The following PPEF1 variants were observed in gnomAD, a reference collection of about 807,000 sequenced individuals.
PPEF1 encodes serine/threonine-protein phosphatase with EF-hands 1.
Under a neutral mutation model 53.3 loss-of-function variants are expected in PPEF1, and 12 were observed. The ratio of observed to expected loss-of-function variants is 0.23; its 90% CI spans 0.14 to 0.36. The LOEUF is 0.36. PPEF1 is among the 10% of genes least tolerant of loss of function. The pLI is 1.00. For synonymous variants in PPEF1, 165 were observed against 176.7 expected, an observed-to-expected ratio of 0.93 and a Z score of 0.52; for missense variants, 334 against 490.4, an observed-to-expected ratio of 0.68 and a Z score of 3.01.
At chrX:18,791,206 G>C (rs374429877) in intron 10 of PPEF1, among the ~76,000 whole-genome samples, 25 of 111,237 alleles carry the variant, frequency 2.2e-4, no homozygotes, top group East Asian at 2.0e-3. Flanking sequence ...TTTCCAGATC[G>C]TTTTGGCTAT....
At chrX:18,723,174 G>A (rs374271884) in intron 1 of PPEF1, among the ~76,000 whole-genome samples, 3 of 110,674 alleles carry the variant, frequency 2.7e-5, no homozygotes, top group East Asian at 2.8e-4. Context: ...TAGTAGAGAC[G>A]AGGTTTTGCC....
At chrX:18,717,835 G>A (rs1445720049) in intron 1 of PPEF1, among the ~76,000 whole-genome samples, 1 of 111,867 alleles carries the variant, frequency 8.9e-6, no homozygotes, top group Non-Finnish European at 1.9e-5. Flanking sequence ...CTCCTTGGAT[G>A]CTTTTTCTAG....
At chrX:18,799,569 C>T (rs994409214) in intron 10 of PPEF1, among the ~76,000 whole-genome samples, 8 of 111,589 alleles carry the variant, frequency 7.2e-5, no homozygotes, top group African/African-American at 2.0e-4. Context: ...AACTCTCCCT[C>T]GAAGCACACT....
chrX:18,805,841 T>TA (rs145416225), intron 11 of PPEF1, among the ~76,000 whole-genome samples: 57 of 85,639 alleles, frequency 6.7e-4, no homozygotes, highest in South Asian at 1.2e-3. Flanking sequence ...GACTCCATCT[T>TA]AAAAAAAAAA....
At chrX:18,741,081 T>G (rs1261722515) in intron 3 of PPEF1, among the ~76,000 whole-genome samples, 2 of 111,473 alleles carry the variant, frequency 1.8e-5, no homozygotes, top group Non-Finnish European at 3.8e-5. Context: ...ATTAAAGCAT[T>G]TAATGATCTG....
At chrX:18,807,219 C>T (rs984206705) in intron 12 of PPEF1, among the ~76,000 whole-genome samples, 4 of 110,628 alleles carry the variant, frequency 3.6e-5, no homozygotes, top group Admixed American at 9.7e-5. Flanking sequence ...TTGGTAGAGA[C>T]GGGGTTTCAC....
chrX:18,679,004 CTGTT>C (rs1381951929), upstream of PPEF1, among the ~76,000 whole-genome samples: 4 of 111,544 alleles, frequency 3.6e-5, no homozygotes, highest in Non-Finnish European at 7.5e-5. Flanking sequence ...ATTTAGATGT[CTGTT>C]AGGTTAGGCA....
At chrX:18,698,985 T>C (rs771940863) in intron 5 of PPEF1, among the ~76,000 whole-genome samples, 56 of 111,621 alleles carry the variant, frequency 5.0e-4, no homozygotes, top group Non-Finnish European at 8.1e-4. Context: ...ACAGAGGAGG[T>C]GACATTGGAA....
chrX:18,789,241 A>G lies in PPEF1; in HGVS notation c.1033A>G (p.Thr345Ala). 1.7e-6 allele frequency: 2 copies of G among 1,211,361 alleles called. No individual in the cohort carries two copies. The highest frequency in any genetic ancestry group is 2.2e-6 in the Non-Finnish European group (2 of 894,840). The change falls in exon 10 of 16, where the codon ACT becomes GCT. Residue 345 changes from threonine (T) to alanine (A), a missense_variant. Coordinates refer to ENST00000470157, the MANE Select transcript of PPEF1 (RefSeq NM_001377996.1). ...HGRIKTNGSP[T>A]EHLTEHEWEQ... Reference sequence around the variant, plus strand: ...AAGAATCAAAACAAATGGATCTCCTACTGAACACTTAACAGAGCATGAATG... The same window carrying G: ...AAGAATCAAAACAAATGGATCTCCTGCTGAACACTTAACAGAGCATGAATG...
At chrX:18,753,954 A>G (rs756278896) in intron 4 of PPEF1, among the ~76,000 whole-genome samples, 2 of 109,441 alleles carry the variant, frequency 1.8e-5, no homozygotes, top group African/African-American at 6.6e-5. Flanking sequence ...GTAGATATCT[A>G]TTAGGTCTAG....
chrX:18,756,255 C>G lies in PPEF1; in HGVS notation c.397-1372C>G, dbSNP rs185610528. Among the ~76,000 whole-genome samples, 81 of 110,877 alleles carry G rather than the reference C, an allele frequency of 7.3e-4. 1 individual carries two copies. Among genetic ancestry groups the G allele is most frequent in the Admixed American group, 6.5e-3 (68 of 10,435 alleles). On this transcript the variant is annotated intron_variant, in intron 4 of 15. Transcript: ENST00000470157. ...AGTGCAATGGCGCAATCTTGGCTCA[C>G]TGCAACCTCCGCCTCCCGGGTTCAA...
chrX:18,815,411 A>C (rs1186829376), intron 12 of PPEF1, among the ~76,000 whole-genome samples: 2 of 111,996 alleles, frequency 1.8e-5, no homozygotes. Flanking sequence ...GATTGGCATT[A>C]ATTCTTCCTT....
chrX:18,753,930 G>T (rs910513179), intron 4 of PPEF1, among the ~76,000 whole-genome samples: 1 of 110,519 alleles, frequency 9.0e-6, no homozygotes, highest in Admixed American at 9.7e-5. Context: ...TGCTTTTGTT[G>T]GGGAAAGTGT....
chrX:18,822,988 C>T (rs1446416807), intron 13 of PPEF1, among the ~76,000 whole-genome samples: 1 of 111,358 alleles, frequency 9.0e-6, no homozygotes, highest in African/African-American at 3.3e-5. Context: ...TATTATATAT[C>T]AAGATCTATT....
intron 12 of PPEF1, among the ~76,000 whole-genome samples, chrX:18,817,587 G>A (rs1444090057): frequency 1.8e-5 from 2 of 110,864 alleles, no homozygotes; most frequent in Non-Finnish European, 3.8e-5. Context: ...TCATCCACCC[G>A]CCTCGGCCTC....
At chrX:18,732,154 C>A (rs1301771490) in intron 2 of PPEF1, among the ~76,000 whole-genome samples, 1 of 112,870 alleles carries the variant, frequency 8.9e-6, no homozygotes, top group African/African-American at 3.2e-5. Flanking sequence ...AAGGTTCACC[C>A]ATGTTGTAGC....
At chrX:18,759,445 C>T (rs2045614668) in intron 5 of PPEF1, among the ~76,000 whole-genome samples, 1 of 110,903 alleles carries the variant, frequency 9.0e-6, no homozygotes, top group African/African-American at 3.3e-5. Context: ...AAATATGCCC[C>T]GTAGTTTTCA....
chrX:18,765,303 G>C (rs2045743876), intron 6 of PPEF1, among the ~76,000 whole-genome samples: 1 of 111,572 alleles, frequency 9.0e-6, no homozygotes, highest in African/African-American at 3.3e-5. Flanking sequence ...GAAACTGCCT[G>C]GTTTAAGTGG....
At chrX:18,776,370 G>A in intron 6 of PPEF1, among the ~76,000 whole-genome samples, 1 of 110,947 alleles carries the variant, frequency 9.0e-6, no homozygotes, top group Non-Finnish European at 1.9e-5. Context: ...GAGTAGCTGG[G>A]ACTACAGGTG....
Sources: allele counts gnomAD v4.1 joint callset (sites outside exome capture counted in the v4.1 genomes callset), GRCh38; gene constraint gnomAD v4.1.1; transcripts MANE v1.5; gene names NCBI Gene and HGNC (gene_info 2026-07-23, HGNC 2026-07-21).